The following DENND1A variants were observed in gnomAD, a reference collection of about 807,000 sequenced individuals.
DENND1A encodes DENN domain containing 1A.
In DENND1A, 51 loss-of-function variants were observed where a neutral mutation model predicts 113.7. The observed-to-expected ratio is 0.45, with a 90% CI of 0.36 to 0.57. The LOEUF (loss-of-function observed/expected upper bound fraction) is 0.57, where lower values mean the gene tolerates loss of function less well. DENND1A is among the 20% of genes least tolerant of loss of function. The pLI, the probability that DENND1A is intolerant of heterozygous loss-of-function variation, is 0.00. For synonymous variants in DENND1A, 565 were observed against 570.8 expected (o/e 0.99, Z 0.14); for missense variants, 1,258 against 1,395.9 (o/e 0.90, Z 1.57).
chr9:123,774,526 C>T (rs986819544), intron 3 of DENND1A, among the ~76,000 whole-genome samples: 5 of 152,018 alleles, frequency 3.3e-5, no homozygotes, highest in African/African-American at 1.2e-4. Context: ...AATCTAAGAT[C>T]CATAGTATAA....
chr9:123,701,032 T>C (rs536768353), intron 5 of DENND1A, among the ~76,000 whole-genome samples: 2 of 152,330 alleles, frequency 1.3e-5, no homozygotes, highest in Admixed American at 6.5e-5. Flanking sequence ...TCACACTACA[T>C]ACAAAAATTT....
At chr9:123,423,698 T>C (rs1381203083) in intron 19 of DENND1A, among the ~76,000 whole-genome samples, 1 of 152,202 alleles carries the variant, frequency 6.6e-6, no homozygotes, top group Non-Finnish European at 1.5e-5. Context: ...ATTTTGTAAA[T>C]ATGCATTATT....
At chr9:123,642,139 G>C (rs142170592) in intron 9 of DENND1A, among the ~76,000 whole-genome samples, 1 of 152,260 alleles carries the variant, frequency 6.6e-6, no homozygotes, top group East Asian at 1.9e-4. Context: ...GGTATCTCAA[G>C]GTTCTTCATT....
chr9:123,534,651 C>T (rs986189123), intron 13 of DENND1A, among the ~76,000 whole-genome samples: 1 of 152,188 alleles, frequency 6.6e-6, no homozygotes, highest in Non-Finnish European at 1.5e-5. Context: ...TAAGTATCTG[C>T]CTTCCCGATT....
At position 123,381,950 on chromosome 9, in the gene DENND1A, T is replaced by G. The variant is rs181525590; in HGVS notation, c.2695A>C (p.Met899Leu). The change falls in exon 24 of 24, where the codon ATG becomes CTG. Residue 899 changes from methionine to leucine, a missense_variant. Around this residue, in one of 2 missense-constraint regions of DENND1A, gnomAD observed 1,159 missense variants for 1,231.7 expected, o/e 0.94. Coordinates refer to ENST00000394215, the MANE Select transcript of DENND1A (RefSeq NM_001352964.2). This position sits in a 1 kb window ranked among gnomAD's most constrained non-coding sequence, Gnocchi z 4.7. ...GGCAGGGTGGGTGGGGCTGCTGGCA[T>G]GGATGGGACAAAGGGGTTGAGTGGT... ...QPPLNPFVPS[M>L]PAAPPTLPLV... 1,483 of 1,445,402 alleles carry G rather than the reference T, an allele frequency of 1.0e-3. 16 individuals are homozygous for G. In the African/African-American group the frequency reaches 0.021, roughly 20 times the overall value. The allele number at this position is 1,445,402 out of a possible 1,614,324, so 89.5% of individuals were successfully genotyped here. A position where few individuals can be genotyped will look rare whatever the true frequency, so the allele number is the denominator to read the frequency against.
chr9:123,794,645 G>A (rs151168808), intron 2 of DENND1A, among the ~76,000 whole-genome samples: 12 of 152,098 alleles, frequency 7.9e-5, no homozygotes, highest in East Asian at 1.9e-4. Context: ...CTATATGTCC[G>A]AAACCAAAAT....
intron 5 of DENND1A, among the ~76,000 whole-genome samples, chr9:123,727,474 C>A (rs561245500): frequency 6.6e-6 from 1 of 152,228 alleles, no homozygotes; most frequent in East Asian, 1.9e-4. Context: ...AGCACTTTTC[C>A]GATCCTCCAG....
intron 12 of DENND1A, among the ~76,000 whole-genome samples, chr9:123,562,731 A>G (rs2057830325): frequency 6.6e-6 from 1 of 152,196 alleles, no homozygotes; most frequent in Admixed American, 6.5e-5. Context: ...TAATAGTCAA[A>G]TTACCCATTG....
chr9:123,562,697 G>T (rs1229534226), intron 12 of DENND1A, among the ~76,000 whole-genome samples: 1 of 152,128 alleles, frequency 6.6e-6, no homozygotes, highest in Non-Finnish European at 1.5e-5. Context: ...TTATAATAAA[G>T]AATTAAAATG....
intron 10 of DENND1A, among the ~76,000 whole-genome samples, chr9:123,617,504 T>A (rs1211237807): frequency 3.9e-5 from 6 of 152,138 alleles, no homozygotes; most frequent in Admixed American, 3.3e-4. Flanking sequence ...GTGGTGGAGA[T>A]GCCTTCTAGA....
chr9:123,817,970 T>C (rs1837774179), intron 2 of DENND1A, among the ~76,000 whole-genome samples: 1 of 150,844 alleles, frequency 6.6e-6, no homozygotes, highest in African/African-American at 2.4e-5. Context: ...GAAGTTGCGG[T>C]GAGCCGACAT....
chr9:123,789,210 T>C (rs1416153296), intron 3 of DENND1A, among the ~76,000 whole-genome samples: 1 of 152,058 alleles, frequency 6.6e-6, no homozygotes, highest in Non-Finnish European at 1.5e-5. Context: ...TTTTAAACCA[T>C]AGATGTCATT....
At chr9:123,489,567 C>G (rs1021717262) in intron 13 of DENND1A, among the ~76,000 whole-genome samples, 1 of 152,240 alleles carries the variant, frequency 6.6e-6, no homozygotes, top group Non-Finnish European at 1.5e-5. Context: ...CCAGTTACAG[C>G]TTGTTGTTGT....
intron 5 of DENND1A, among the ~76,000 whole-genome samples, chr9:123,755,651 C>T (rs1451974081): frequency 6.6e-6 from 1 of 152,170 alleles, no homozygotes; most frequent in South Asian, 2.1e-4. Context: ...GACAGCAAGA[C>T]CAACCCCTCC....
At chr9:123,654,826 G>A (rs2062846242) in intron 8 of DENND1A, among the ~76,000 whole-genome samples, 1 of 152,170 alleles carries the variant, frequency 6.6e-6, no homozygotes, top group Admixed American at 6.5e-5. Flanking sequence ...GGTGGGAGTG[G>A]GTGGGAGTGC....
intron 10 of DENND1A, among the ~76,000 whole-genome samples, chr9:123,618,314 C>A (rs1327759800): frequency 6.6e-6 from 1 of 152,174 alleles, no homozygotes; most frequent in African/African-American, 2.4e-5. Flanking sequence ...TGCTATAGAG[C>A]CCCCTATACT....
chr9:123,715,138 C>T (rs572146736), intron 5 of DENND1A, among the ~76,000 whole-genome samples: 1 of 151,928 alleles, frequency 6.6e-6, no homozygotes. Context: ...GAGCCAAGAT[C>T]GCGCCACTGC....
In DENND1A at chr9:123,621,186, T is replaced by C. The variant is rs548440983; in HGVS notation, c.719+9190A>G. Among the ~76,000 whole-genome samples, 8 of 140,734 alleles carry C rather than the reference T, an allele frequency of 5.7e-5. No individual in the cohort carries two copies. The East Asian group carries it at 1.4e-3, about 24-fold the overall frequency. The allele number at this position is 140,734 out of a possible 152,430, so 92.3% of individuals were successfully genotyped here. A position where few individuals can be genotyped will look rare whatever the true frequency, so the allele number is the denominator to read the frequency against. ...AAAAAAAAAATTCAGTTGAAATTCT[T>C]TTTTTTTTTTTTTTTCCAAGACAGG... On this transcript the variant is annotated intron_variant, in intron 10 of 23. Coordinates refer to ENST00000394215, the MANE Select transcript of DENND1A (RefSeq NM_001352964.2).
At chr9:123,593,551 A>G (rs905371620) in intron 11 of DENND1A, among the ~76,000 whole-genome samples, 6 of 152,122 alleles carry the variant, frequency 3.9e-5, no homozygotes, top group African/African-American at 7.2e-5. Flanking sequence ...CATTTGTTCA[A>G]ACTAAGTCTA....
Sources: allele counts gnomAD v4.1 joint callset (sites outside exome capture counted in the v4.1 genomes callset), GRCh38; gene constraint gnomAD v4.1.1; regional missense constraint gnomAD v4.1.1; non-coding constraint Gnocchi (gnomAD v3.1); transcripts MANE v1.5; gene names NCBI Gene and HGNC (gene_info 2026-07-23, HGNC 2026-07-21).